Variants in DNMBP observed in about 807,000 individuals in gnomAD.
The protein encoded by DNMBP is dynamin-binding protein.
In DNMBP, 87 loss-of-function variants were observed where a neutral mutation model predicts 150.0. The observed-to-expected ratio is 0.58, with a 90% confidence interval of 0.49 to 0.69. The LOEUF is 0.69. DNMBP is among the 30% of genes least tolerant of loss of function. DNMBP has a pLI of 0.00. For synonymous variants in DNMBP, 711 were observed against 750.4 expected (o/e 0.95, Z 0.86); for missense variants, 1,774 against 1,949.0 (o/e 0.91, Z 1.69).
chr10:99,877,449 C>T, intron 16 of DNMBP, 113 bp from the exon 17 acceptor site: 1 of 744,946 alleles, frequency 1.3e-6, no homozygotes, highest in Admixed American at 2.9e-5. Flanking sequence ...GGCTACTGAG[C>T]CCCTGAAATA....
intron 13 of DNMBP, among the ~76,000 whole-genome samples, 187 bp downstream of exon 13, chr10:99,886,113 A>AAAGATGTT (rs1474670658): frequency 1.3e-5 from 2 of 152,362 alleles, no homozygotes; most frequent in East Asian, 3.9e-4. Flanking sequence ...TCAAGAGGGA[A>AAAGATGTT]AAGATGTTTC....
At chr10:99,887,399 T>C (rs186779872) in intron 12 of DNMBP, among the ~76,000 whole-genome samples, 34 of 152,074 alleles carry the variant, frequency 2.2e-4, no homozygotes, top group African/African-American at 6.7e-4. Flanking sequence ...TGGTGGTGCA[T>C]GCCTGTAGTC....
Position 99,908,955 on chromosome 10 carries a change from G to C in DNMBP, c.2452C>G (p.Gln818Glu). ...TAACTCTGTCTCCCAGTTCCCACCT[G>C]TGCCTGCTGCATGGGTACCATGATC... ...ERIMVPMQQA[Q>E]VPNIDFEGLF... Residue 818 changes from glutamine to glutamate, a missense_variant and splice_region_variant, in exon 5 of 17, where the codon CAG (glutamine) becomes GAG (glutamate). Transcript: ENST00000324109. 3 of 1,612,794 alleles carry C rather than the reference G, an allele frequency of 1.9e-6. No homozygotes were observed. The highest frequency in any genetic ancestry group is 3.3e-5 in the Admixed American group (2 of 59,914).
At chr10:99,913,859 A>G in intron 4 of DNMBP, 1 of 1,233,984 alleles carries the variant, frequency 8.1e-7, no homozygotes, top group South Asian at 3.7e-5. Context: ...GAAAATTTTG[A>G]GCTCCCGGCC....
intron 3 of DNMBP, among the ~76,000 whole-genome samples, chr10:99,967,496 A>G (rs1454412261): frequency 6.6e-6 from 1 of 152,232 alleles, no homozygotes; most frequent in African/African-American, 2.4e-5. Flanking sequence ...ACTGCACTCC[A>G]GCCTCGACAG....
chr10:99,980,581 G>A (rs1001940523), intron 1 of DNMBP, among the ~76,000 whole-genome samples: 1 of 152,014 alleles, frequency 6.6e-6, no homozygotes, highest in Non-Finnish European at 1.5e-5. Context: ...ACCAAGAGGA[G>A]AGGATCACTT....
chr10:99,920,939 C>CAA (rs1181724121), intron 4 of DNMBP, among the ~76,000 whole-genome samples: 1 of 152,184 alleles, frequency 6.6e-6, no homozygotes, highest in African/African-American at 2.4e-5. Flanking sequence ...TTCAGCCTCC[C>CAA]AAAGTGCTAG....
intron 1 of DNMBP, among the ~76,000 whole-genome samples, chr10:99,981,811 A>C (rs1408414714): frequency 6.6e-6 from 1 of 152,076 alleles, no homozygotes; most frequent in Non-Finnish European, 1.5e-5. Context: ...AGGGACAGTG[A>C]GATTGTGATA....
intron 1 of DNMBP, among the ~76,000 whole-genome samples, chr10:99,990,726 A>C (rs1315384603): frequency 1.3e-5 from 2 of 151,408 alleles, no homozygotes; most frequent in African/African-American, 2.4e-5. Flanking sequence ...TATACACACA[A>C]ATATACATAT....
In DNMBP at chr10:99,876,956, C is replaced by T. The variant is rs944840788; in HGVS notation, c.*195G>A. 2.5e-5 allele frequency: 12 copies of T among 487,184 alleles called. No individual in the cohort carries two copies. The highest frequency in any genetic ancestry group is 3.6e-5 in the Non-Finnish European group (10 of 280,338). 30.2% of individuals were successfully genotyped at this position (487,184 alleles called of 1,614,324 possible). A position where few individuals can be genotyped will look rare whatever the true frequency, so the allele number is the denominator to read the frequency against. On this transcript the variant is annotated 3_prime_UTR_variant, in exon 17 of 17. Transcript: ENST00000324109. ...AAAGCCCCAGGGTCCATTTCAAATT[C>T]TAGAGATTCTAGTGAGCATCAAGGT...
intron 3 of DNMBP, among the ~76,000 whole-genome samples, chr10:99,966,437 A>T (rs1455262797): frequency 6.6e-6 from 1 of 152,250 alleles, no homozygotes; most frequent in Non-Finnish European, 1.5e-5. Flanking sequence ...ACCTTGAGTC[A>T]GTCTTCAGAC....
chr10:99,886,423 C>T lies in DNMBP; in HGVS notation c.3495G>A (p.Leu1165=), dbSNP rs1439732124. 6.8e-6 allele frequency: 11 copies of T among 1,614,062 alleles called. No individual in the cohort carries two copies. The highest frequency in any genetic ancestry group is 1.1e-5 in the South Asian group (1 of 91,078). Residue 1165 remains leucine (L), a synonymous_variant, in exon 13 of 17, where the codon CTG becomes CTA. Transcript: ENST00000324109. ...ACTGGTGGAACTTGGGCAGCTCATC[C>T]AGCAGCTGTGCATTCAGGGCCTCAT... ...NNYEALNAQL[L]DELPKFHQYA...
At chr10:99,971,254 A>G (rs145953302) in intron 2 of DNMBP, among the ~76,000 whole-genome samples, 14 of 152,030 alleles carry the variant, frequency 9.2e-5, no homozygotes, top group African/African-American at 3.4e-4. Flanking sequence ...GTAGGTAAAC[A>G]CAAAAGGATT....
chr10:99,986,673 G>T (rs149385719), intron 1 of DNMBP, among the ~76,000 whole-genome samples: 60 of 147,848 alleles, frequency 4.1e-4, no homozygotes, highest in African/African-American at 1.5e-3. Context: ...GAAGAAAACG[G>T]ACAACAAACG....
chr10:99,943,298 C>CA (rs796198897), intron 4 of DNMBP, among the ~76,000 whole-genome samples: 1,776 of 137,838 alleles, frequency 0.013, 28 homozygotes, highest in African/African-American at 0.041. Context: ...AAAAAACCAA[C>CA]AAAAAAAAAA....
At chr10:99,995,002 G>A (rs10128210) in intron 1 of DNMBP, among the ~76,000 whole-genome samples, 6,703 of 151,716 alleles carry the variant, frequency 0.044, 160 homozygotes, top group South Asian at 0.087. Context: ...GTGATCCTAT[G>A]GCTTCAGCCT....
chr10:99,972,204 G>A, intron 1 of DNMBP, 70 bp from the exon 2 acceptor site: 6 of 1,368,992 alleles, frequency 4.4e-6, no homozygotes, highest in Middle Eastern at 2.1e-4. Flanking sequence ...TCTATTTCTT[G>A]GAATGATAAA....
intron 12 of DNMBP, among the ~76,000 whole-genome samples, chr10:99,888,315 A>C (rs1044422286): frequency 1.2e-4 from 18 of 151,742 alleles, no homozygotes; most frequent in African/African-American, 3.9e-4. Flanking sequence ...GGTTCAAGCT[A>C]TTCTCCAGCC....
intron 4 of DNMBP, among the ~76,000 whole-genome samples, chr10:99,911,366 C>CA (rs1247569355): frequency 2.6e-5 from 4 of 151,968 alleles, no homozygotes; most frequent in African/African-American, 4.8e-5. Flanking sequence ...ACTAAAAATA[C>CA]AAAAATTTGT....
Sources: gnomAD v4.1 joint callset for allele counts (sites outside exome capture counted in the v4.1 genomes callset) on GRCh38, gnomAD v4.1.1 for gene constraint, MANE v1.5 for transcripts, NCBI Gene and HGNC (gene_info 2026-07-23, HGNC 2026-07-21) for gene names.